STK32B: variants seen among roughly 807,000 people sequenced by gnomAD.
STK32B encodes the protein serine/threonine kinase 32B.
Under a neutral mutation model 52.6 loss-of-function variants are expected in STK32B, and 43 were observed. The observed-to-expected ratio is 0.82, with a 90% CI of 0.64 to 1.05. The LOEUF (loss-of-function observed/expected upper bound fraction) is 1.05, where lower values mean the gene tolerates loss of function less well. Ranked by LOEUF, STK32B falls within the 50% of genes least tolerant of loss-of-function variation. The pLI is 0.00. For missense variants in STK32B, 621 were observed against 534.6 expected (o/e 1.16, Z -1.59); for synonymous variants, 238 against 204.3 (o/e 1.17, Z -1.41).
intron 4 of STK32B, among the ~76,000 whole-genome samples, chr4:5,349,329 AAAC>A (rs1295030946): frequency 6.6e-6 from 1 of 152,190 alleles, no homozygotes; most frequent in Non-Finnish European, 1.5e-5. Context: ...GAGCCTCCGT[AAAC>A]AACAACATAC....
intron 1 of STK32B, among the ~76,000 whole-genome samples, chr4:5,082,313 A>C (rs547217566): frequency 3.5e-4 from 54 of 152,292 alleles, no homozygotes; most frequent in African/African-American, 1.2e-3. Context: ...GCAGAGGTTC[A>C]CACTTGCACA....
chr4:5,332,779 GAA>G (rs1275737148), intron 4 of STK32B, among the ~76,000 whole-genome samples: 1 of 152,156 alleles, frequency 6.6e-6, no homozygotes, highest in Non-Finnish European at 1.5e-5. Flanking sequence ...AGTTTACTGA[GAA>G]TGATGATTTC....
chr4:5,156,947 AAG>A (rs1274891897), intron 2 of STK32B, among the ~76,000 whole-genome samples: 1 of 152,152 alleles, frequency 6.6e-6, no homozygotes, highest in Non-Finnish European at 1.5e-5. Context: ...AGAATAAGGA[AAG>A]ACTCTTTGCA....
chr4:5,089,236 A>C (rs114728837), intron 1 of STK32B, among the ~76,000 whole-genome samples: 1 of 150,722 alleles, frequency 6.6e-6, no homozygotes, highest in Non-Finnish European at 1.5e-5. Flanking sequence ...TAAAAAAAAA[A>C]CAGGGATACA....
intron 1 of STK32B, chr4:5,127,057 T>G (rs1393083097): frequency 2.0e-6 from 1 of 496,418 alleles, no homozygotes; most frequent in African/African-American, 1.9e-5. Context: ...AAAGGTGCCA[T>G]GGACATTGGT....
At chr4:5,480,595 ATTATACT>A (rs944027155) in intron 11 of STK32B, among the ~76,000 whole-genome samples, 14 of 151,568 alleles carry the variant, frequency 9.2e-5, no homozygotes, top group Admixed American at 9.2e-4. Context: ...TTTTTCTTTC[ATTATACT>A]TTAAGTTTTA....
At chr4:5,228,668 A>C (rs753816174) in intron 3 of STK32B, among the ~76,000 whole-genome samples, 72 of 152,316 alleles carry the variant, frequency 4.7e-4, no homozygotes, top group Admixed American at 9.8e-4. Context: ...TTCCCAGGGC[A>C]TATAAAAGTT....
intron 1 of STK32B, among the ~76,000 whole-genome samples, chr4:5,114,741 A>G (rs1476908298): frequency 1.3e-5 from 2 of 152,216 alleles, no homozygotes; most frequent in Non-Finnish European, 2.9e-5. Flanking sequence ...TCCAAGCAGT[A>G]CATCTTCAGA....
rs550013807 is a variant in STK32B at position 5,469,596 on chromosome 4, G to A, written c.1106+1526G>A. Among the ~76,000 whole-genome samples the A allele has an allele frequency of 6.5e-4, 99 of 152,320 alleles. No homozygotes were observed. The highest frequency in any genetic ancestry group is 2.2e-3 in the African/African-American group (93 of 41,572). On this transcript the variant is annotated intron_variant, in intron 11 of 11. Coordinates refer to ENST00000282908, the MANE Select transcript of STK32B (RefSeq NM_018401.3). The surrounding 1 kb of genome is among the most constrained non-coding windows in gnomAD (Gnocchi z 4.7). ...GCAGGACAGGGCCCCAGTCCCAGTCGATGCTGGGGAGGCAAAGGAGGCAGC... is the reference window on the plus strand; with the variant it reads ...GCAGGACAGGGCCCCAGTCCCAGTCAATGCTGGGGAGGCAAAGGAGGCAGC...
At chr4:5,182,457 T>C (rs1320753022) in intron 3 of STK32B, among the ~76,000 whole-genome samples, 1 of 152,024 alleles carries the variant, frequency 6.6e-6, no homozygotes, top group Non-Finnish European at 1.5e-5. Context: ...ATGTCCTTTT[T>C]TTTTCCTTTT....
At chr4:5,326,106 A>G (rs992981268) in intron 3 of STK32B, among the ~76,000 whole-genome samples, 1 of 152,160 alleles carries the variant, frequency 6.6e-6, no homozygotes, top group Admixed American at 6.5e-5. Flanking sequence ...CTGAAAATTC[A>G]TGTTGCTCCT....
At position 5,453,883 on chromosome 4, in the gene STK32B, C is replaced by T. The variant is rs958242615; in HGVS notation, c.667-2924C>T. ...TCATACCATTGCACTCCAGTCTAGG[C>T]GACAAGAGTGAAACTCCATCTAAAA... is the stretch of plus-strand genomic sequence containing the variant. On this transcript the variant is annotated intron_variant, in intron 7 of 11. Transcript: ENST00000282908. The surrounding 1 kb of genome is among the most constrained non-coding windows in gnomAD (Gnocchi z 4.0). Among the ~76,000 whole-genome samples, 6 of 151,622 alleles carry T rather than the reference C, an allele frequency of 4.0e-5. No individual in the cohort carries two copies. Among genetic ancestry groups the T allele is most frequent in the Non-Finnish European group, 7.4e-5 (5 of 67,944 alleles).
intron 6 of STK32B, chr4:5,436,714 G>C (rs1577494419): frequency 1.0e-6 from 1 of 968,876 alleles, no homozygotes; most frequent in Non-Finnish European, 1.2e-6. Flanking sequence ...GAATATCACT[G>C]TGACAGTCAT....
intron 3 of STK32B, among the ~76,000 whole-genome samples, chr4:5,232,589 T>C (rs1724347133): frequency 6.6e-6 from 1 of 152,248 alleles, no homozygotes; most frequent in Non-Finnish European, 1.5e-5. Flanking sequence ...TGGGATGTAC[T>C]GCACCTGTTC....
At chr4:5,095,114 C>A (rs1356994843) in intron 1 of STK32B, among the ~76,000 whole-genome samples, 1 of 152,076 alleles carries the variant, frequency 6.6e-6, no homozygotes, top group Non-Finnish European at 1.5e-5. Flanking sequence ...ACAGCTCTGA[C>A]TGGGAGGAGA....
chr4:5,246,739 A>G (rs115333183), intron 3 of STK32B, among the ~76,000 whole-genome samples: 3,186 of 152,274 alleles, frequency 0.021, 111 homozygotes, highest in African/African-American at 0.066. Flanking sequence ...GGTGACATAC[A>G]TACGGGTTTT....
At chr4:5,226,019 G>A (rs1182744802) in intron 3 of STK32B, among the ~76,000 whole-genome samples, 1 of 152,196 alleles carries the variant, frequency 6.6e-6, no homozygotes, top group Non-Finnish European at 1.5e-5. Context: ...ACCCAGGCAT[G>A]TGCTCAGCAC....
intron 2 of STK32B, among the ~76,000 whole-genome samples, chr4:5,156,027 T>C (rs898090167): frequency 5.9e-5 from 9 of 151,934 alleles, no homozygotes; most frequent in African/African-American, 2.2e-4. Flanking sequence ...TATGTACATA[T>C]ACCTATAGAT....
chr4:5,083,740 ATT>A (rs34158437), intron 1 of STK32B, among the ~76,000 whole-genome samples: 1 of 144,216 alleles, frequency 6.9e-6, no homozygotes. Flanking sequence ...TCTGTTACCT[ATT>A]TTTTTTTTTT....
Sources: allele counts gnomAD v4.1 joint callset (sites outside exome capture counted in the v4.1 genomes callset), GRCh38; gene constraint gnomAD v4.1.1; non-coding constraint Gnocchi (gnomAD v3.1); transcripts MANE v1.5; gene names NCBI Gene and HGNC (gene_info 2026-07-23, HGNC 2026-07-21).